Variants in DNAH10 observed in about 807,000 individuals in gnomAD.
The protein encoded by DNAH10 is axonemal beta dynein heavy chain 10.
In DNAH10, 348 loss-of-function variants were observed where a neutral mutation model predicts 506.6. That is an observed-to-expected ratio of 0.69 (90% CI 0.63 to 0.75). The LOEUF is 0.75. Among genes scored for constraint, DNAH10 ranks in the 30% least tolerant of loss-of-function variants. DNAH10 has a pLI of 0.00. For missense variants in DNAH10, 5,179 were observed against 5,787.1 expected (o/e 0.89, Z 3.41); for synonymous variants, 2,059 against 2,198.6 (o/e 0.94, Z 1.78).
rs763677264 is a variant in DNAH10 at position 123,887,203 on chromosome 12, G to A, written c.8885G>A (p.Ser2962Asn). Residue 2962 changes from serine (S) to asparagine (N), a missense_variant, in exon 52 of 79, where the codon AGC becomes AAC. Transcript: ENST00000673944. ...AACAGTTTCCGGGAAGACCTGAAGA[G>A]CCTCTATTTGAAACTTGGGATTGAG... ...SENSFREDLK[S>N]LYLKLGIENK... is the part of the protein sequence containing the mutation. The A allele has an allele frequency of 9.9e-6, 16 of 1,613,642 alleles. No homozygotes were observed. The South Asian group carries it at 1.6e-4, about 17-fold the overall frequency.
At position 123,879,651 on chromosome 12, in the gene DNAH10, C is replaced by A. The variant is rs1221713091; in HGVS notation, c.8484C>A (p.Gly2828=). 1.9e-6 allele frequency: 3 copies of A among 1,613,794 alleles called. No individual in the cohort carries two copies. Among genetic ancestry groups the A allele is most frequent in the Non-Finnish European group, 2.5e-6 (3 of 1,179,868 alleles). ...GTTTCAAGGTACAACAGCACATAGG[C>A]AGCTTGGTTGTGGAACATTTTAAAG... is the stretch of plus-strand genomic sequence containing the variant. The part of the protein sequence containing the change: ...TDKQLVQQHI[G]SLVVEHFKDD... The change falls in exon 50 of 79, where the codon GGC becomes GGA. Residue 2828 remains glycine (G), a synonymous_variant. Transcript: ENST00000673944.
intron 44 of DNAH10, among the ~76,000 whole-genome samples, chr12:123,870,828 G>T (rs769583621): frequency 2.6e-5 from 4 of 152,176 alleles, no homozygotes; most frequent in Non-Finnish European, 5.9e-5. Context: ...GGACTAGACG[G>T]CAACGAACGA....
In DNAH10 at chr12:123,808,910, A is replaced by T. The variant is rs921256576; in HGVS notation, c.3101A>T (p.Lys1034Met). The T allele has an allele frequency of 8.1e-6, 13 of 1,614,152 alleles. No individual in the cohort carries two copies. In the African/African-American group the frequency reaches 9.3e-5, roughly 12 times the overall value. Residue 1034 changes from lysine (K) to methionine (M), a missense_variant, in exon 19 of 79, where the codon AAG (lysine) becomes ATG (methionine). Around this residue, in one of 3 missense-constraint regions of DNAH10, gnomAD observed 4,844 missense variants for 5,430.5 expected, o/e 0.89. Coordinates refer to ENST00000673944, the MANE Select transcript of DNAH10 (RefSeq NM_001372106.1). The stretch of plus-strand genomic sequence containing the variant: ...CATCCCAACACAAATGAGATCGACA[A>T]GATGTGCTTCCATTGTGTCCGGAAT... The part of the protein sequence containing the change: ...ILHPNTNEID[K>M]MCFHCVRNCV...
intron 18 of DNAH10, among the ~76,000 whole-genome samples, chr12:123,805,861 C>T (rs1420939912): frequency 6.6e-6 from 1 of 151,162 alleles, no homozygotes; most frequent in Non-Finnish European, 1.5e-5. Flanking sequence ...ACTGCAAGCT[C>T]CGCCTCCCGG....
At position 123,928,157 on chromosome 12, in the gene DNAH10, C is replaced by T. The variant is rs1955029191; in HGVS notation, c.12106-230C>T. 1 of 597,890 alleles carries T rather than the reference C, an allele frequency of 1.7e-6. No homozygotes were observed. The highest frequency in any genetic ancestry group is 3.0e-6 in the Non-Finnish European group (1 of 337,462). The allele number at this position is 597,890 out of a possible 1,614,324, so 37.0% of individuals were successfully genotyped here. ...GGGAGGCAGATGAGTGCAAAATGCTCACCCATCTTCCAGGCTGGGTGTGAC... is the reference window on the plus strand; with the variant it reads ...GGGAGGCAGATGAGTGCAAAATGCTTACCCATCTTCCAGGCTGGGTGTGAC... On this transcript the variant is annotated intron_variant, in intron 69 of 78. Coordinates refer to ENST00000673944, the MANE Select transcript of DNAH10 (RefSeq NM_001372106.1). The surrounding 1 kb of genome is among the most constrained non-coding windows in gnomAD (Gnocchi z 4.9).
Position 123,887,186 on chromosome 12 carries a change from C to A in DNAH10, c.8868C>A (p.Phe2956Leu). 1 of 1,612,960 alleles carries A rather than the reference C, an allele frequency of 6.2e-7. No individual in the cohort carries two copies. Among genetic ancestry groups the A allele is most frequent in the Non-Finnish European group, 8.5e-7 (1 of 1,179,486 alleles). Residue 2956 changes from phenylalanine to leucine, a missense_variant, in exon 52 of 79, where the codon TTC (phenylalanine) becomes TTA (leucine). This residue lies in a region of DNAH10 where 4,844 missense variants were observed against 5,430.5 expected (regional missense o/e 0.89). Coordinates refer to ENST00000673944, the MANE Select transcript of DNAH10 (RefSeq NM_001372106.1). Reference sequence around the variant, plus strand: ...GCCGAGGCTACTCGGAGAACAGTTTCCGGGAAGACCTGAAGAGCCTCTATT... The same window carrying A: ...GCCGAGGCTACTCGGAGAACAGTTTACGGGAAGACCTGAAGAGCCTCTATT... ...LLSRGYSENS[F>L]REDLKSLYLK...
At chr12:123,879,526 AT>A in intron 49 of DNAH10, 107 bp from the exon 50 acceptor site, 3 of 1,528,578 alleles carry the variant, frequency 2.0e-6, no homozygotes, top group Non-Finnish European at 2.7e-6. Context: ...CTGAAAAAAA[AT>A]AGAACGCAAA....
Position 123,902,957 on chromosome 12 carries a change from T to C in DNAH10, c.9659T>C (p.Leu3220Pro). Reference sequence around the variant, plus strand: ...CCTGCAGCCGAGGAGAAGAAGAAACTGGCAGAGGAAAAGGCCATGGAGATA... The same window carrying C: ...CCTGCAGCCGAGGAGAAGAAGAAACCGGCAGAGGAAAAGGCCATGGAGATA... ...NTAVAEEKKK[L>P]AEEKAMEIEE... is the part of the protein sequence containing the mutation. The change falls in exon 57 of 79, where the codon CTG becomes CCG. Residue 3220 changes from leucine (L) to proline (P), a missense_variant. Transcript: ENST00000673944. This position sits in a 1 kb window ranked among gnomAD's most constrained non-coding sequence, Gnocchi z 4.5. The C allele has an allele frequency of 1.3e-6, 2 of 1,588,942 alleles. No homozygotes were observed. The highest frequency in any genetic ancestry group is 1.7e-6 in the Non-Finnish European group (2 of 1,168,104).
At chr12:123,904,022 C>T (rs1041787301) in intron 57 of DNAH10, among the ~76,000 whole-genome samples, 1 of 152,244 alleles carries the variant, frequency 6.6e-6, no homozygotes, top group African/African-American at 2.4e-5. Context: ...CTTCCTATTT[C>T]TCTGCCTCTG....
chr12:123,931,752 G>A lies in DNAH10; in HGVS notation c.13033G>A (p.Gly4345Arg). 3 of 1,614,048 alleles carry A rather than the reference G, an allele frequency of 1.9e-6. No homozygotes were observed. The highest frequency in any genetic ancestry group is 2.5e-6 in the Non-Finnish European group (3 of 1,179,906). ...CCAGGTGAGGAAGCGCCTCGGAACAGGACTCTCCCCCACTTCGGTGGTGCT... is the reference window on the plus strand; with the variant it reads ...CCAGGTGAGGAAGCGCCTCGGAACAAGACTCTCCCCCACTTCGGTGGTGCT... ...LDQVRKRLGT[G>R]LSPTSVVLLQ... is the part of the protein sequence containing the mutation. The change falls in exon 75 of 79, where the codon GGA (glycine) becomes AGA (arginine). Residue 4345 changes from glycine to arginine, a missense_variant. This residue lies in a region of DNAH10 where 4,844 missense variants were observed against 5,430.5 expected (regional missense o/e 0.89). Coordinates refer to ENST00000673944, the MANE Select transcript of DNAH10 (RefSeq NM_001372106.1).
rs778688644 is a variant in DNAH10, at chr12:123,933,500, G to C, written c.13466G>C (p.Arg4489Pro). Residue 4489 changes from arginine to proline, a missense_variant, in exon 77 of 79, where the codon CGG becomes CCG. By Grantham distance (103) the Arg-to-Pro change is moderately radical (BLOSUM62 -2). Coordinates refer to ENST00000673944, the MANE Select transcript of DNAH10 (RefSeq NM_001372106.1). ...CAGGATGCAGATGAAGTGAATGAGC[G>C]GGCGGGACAAGGTACCGTCAGCTCG... is the stretch of plus-strand genomic sequence containing the variant. ...KFQDADEVNE[R>P]AGQGCFVSGL... The C allele has an allele frequency of 6.2e-7, 1 of 1,602,676 alleles. No homozygotes were observed. Among genetic ancestry groups the C allele is most frequent in the Non-Finnish European group, 8.5e-7 (1 of 1,173,150 alleles).
At chr12:123,816,861 G>C (rs1483236653) in intron 21 of DNAH10, among the ~76,000 whole-genome samples, 1 of 152,190 alleles carries the variant, frequency 6.6e-6, no homozygotes, top group Non-Finnish European at 1.5e-5. Context: ...ACTAGATTCT[G>C]CTAATTTTCC....
chr12:123,820,713 AATGAGTGGGCTGAGG>A lies in DNAH10; in HGVS notation c.4139_4153del (p.Ser1380_Met1384del). 6.2e-7 allele frequency: 1 copy of A among 1,613,996 alleles called. No individual in the cohort carries two copies. Among genetic ancestry groups the A allele is most frequent in the Non-Finnish European group, 8.5e-7 (1 of 1,179,894 alleles). On this transcript the variant is annotated inframe_deletion, in exon 24 of 79. Coordinates refer to ENST00000673944, the MANE Select transcript of DNAH10 (RefSeq NM_001372106.1). Reference sequence around the variant, plus strand: ...CAGAGCTGCTGAAAGTGCAGAAGGAAATGAGTGGGCTGAGGATGATTTACGAGCTCTATGAAGGAC... The same window carrying A: ...CAGAGCTGCTGAAAGTGCAGAAGGAAATGATTTACGAGCTCTATGAAGGAC...
chr12:123,767,526 A>G, intron 1 of DNAH10, 80 bp from the exon 2 acceptor site: 1 of 1,403,952 alleles, frequency 7.1e-7, no homozygotes, highest in Non-Finnish European at 9.8e-7. Context: ...CCTTGGCTCC[A>G]CAGAAAGCAA....
rs369291208 is a variant in DNAH10, at chr12:123,820,722, G to A, written c.4143G>A (p.Gly1381=). The A allele has an allele frequency of 3.7e-6, 6 of 1,613,852 alleles. No individual in the cohort carries two copies. Among genetic ancestry groups the A allele is most frequent in the Non-Finnish European group, 5.1e-6 (6 of 1,179,894 alleles). ...ELLKVQKEMS[G]LRMIYELYEG... ...TGAAAGTGCAGAAGGAAATGAGTGG[G>A]CTGAGGATGATTTACGAGCTCTATG... is the stretch of plus-strand genomic sequence containing the variant. Residue 1381 remains glycine, a synonymous_variant, in exon 24 of 79, where the codon GGG becomes GGA. Coordinates refer to ENST00000673944, the MANE Select transcript of DNAH10 (RefSeq NM_001372106.1).
At chr12:123,800,896 A>G (rs1207232179) in intron 15 of DNAH10, among the ~76,000 whole-genome samples, 5 of 152,058 alleles carry the variant, frequency 3.3e-5, no homozygotes, top group Non-Finnish European at 7.4e-5. Context: ...TCATGCCTGT[A>G]GTCTCAGCTA....
Position 123,934,638 on chromosome 12 carries a change from C to T in DNAH10, c.13495C>T (p.Leu4499=). ...RAGQGCFVSG[L]YLEGADWDIE... ...GTCCCTAGGATGCTTTGTCTCAGGA[C>T]TGTACCTGGAAGGTGCTGACTGGGA... Residue 4499 remains leucine (L), a synonymous_variant, in exon 78 of 79, where the codon CTG becomes TTG. Coordinates refer to ENST00000673944, the MANE Select transcript of DNAH10 (RefSeq NM_001372106.1). 6.2e-7 allele frequency: 1 copy of T among 1,613,674 alleles called. No individual in the cohort carries two copies. Among genetic ancestry groups the T allele is most frequent in the Non-Finnish European group, 8.5e-7 (1 of 1,179,794 alleles).
chr12:123,819,031 C>T lies in DNAH10; in HGVS notation c.3862C>T (p.His1288Tyr), dbSNP rs548239860. 4 of 1,605,760 alleles carry T rather than the reference C, an allele frequency of 2.5e-6. No individual in the cohort carries two copies. In the African/African-American group the frequency reaches 5.3e-5, roughly 21 times the overall value. The change falls in exon 22 of 79, where the codon CAT becomes TAT. Residue 1288 changes from histidine to tyrosine, a missense_variant. Coordinates refer to ENST00000673944, the MANE Select transcript of DNAH10 (RefSeq NM_001372106.1). ...NLFNDSVNVE[H>Y]ALGDIKRTFT... ...GTTTAATGATTCAGTGAATGTGGAGCATGCTCTTGGGGACATAAAGAGAAC... is the reference window on the plus strand; with the variant it reads ...GTTTAATGATTCAGTGAATGTGGAGTATGCTCTTGGGGACATAAAGAGAAC...
At chr12:123,892,836 C>A (rs1161529933) in intron 52 of DNAH10, among the ~76,000 whole-genome samples, 1 of 152,192 alleles carries the variant, frequency 6.6e-6, no homozygotes, top group Non-Finnish European at 1.5e-5. Flanking sequence ...CTGGCCTTGA[C>A]CTATTAGATG....
Sources: gnomAD v4.1 joint callset for allele counts (sites outside exome capture counted in the v4.1 genomes callset) on GRCh38, gnomAD v4.1.1 for gene constraint, gnomAD v4.1.1 regional missense constraint, Gnocchi (gnomAD v3.1) non-coding constraint, MANE v1.5 for transcripts, NCBI Gene and HGNC (gene_info 2026-07-23, HGNC 2026-07-21) for gene names.